Variants in CYRIB observed in about 807,000 individuals in gnomAD.
The protein encoded by CYRIB is CYFIP-related Rac1 interactor B.
CYRIB carries 8 observed loss-of-function variants against 44.2 expected under a neutral mutation model. The observed-to-expected ratio is 0.18, with a 90% confidence interval of 0.11 to 0.33. The LOEUF is 0.33. Ranked by LOEUF, CYRIB falls within the 10% of genes least tolerant of loss-of-function variation. The probability of loss-of-function intolerance (pLI) is 1.00; values close to 1 mark genes in which losing one functional copy is unlikely to be tolerated. For missense variants in CYRIB, 185 were observed against 382.8 expected (o/e 0.48, Z 4.31); for synonymous variants, 131 against 127.2 (o/e 1.03, Z -0.20).
intron 5 of CYRIB, among the ~76,000 whole-genome samples, chr8:129,859,983 C>T (rs2048484980): frequency 6.6e-6 from 1 of 152,150 alleles, no homozygotes; most frequent in Non-Finnish European, 1.5e-5. Flanking sequence ...TAATCCTTGC[C>T]CTGTCCCATT....
chr8:129,882,359 A>C, intron 2 of CYRIB, among the ~76,000 whole-genome samples: 1 of 152,192 alleles, frequency 6.6e-6, no homozygotes, highest in East Asian at 1.9e-4. Flanking sequence ...TATGAGGGTT[A>C]AATTAGATTA....
intron 11 of CYRIB, among the ~76,000 whole-genome samples, chr8:129,843,433 A>C (rs552783505): frequency 4.6e-5 from 7 of 152,356 alleles, no homozygotes; most frequent in African/African-American, 1.7e-4. Flanking sequence ...AGTGTGAGAT[A>C]ATCAGATGTC....
At chr8:130,006,640 G>A (rs13251000) in intron 1 of CYRIB, among the ~76,000 whole-genome samples, 1,816 of 41,552 alleles carry the variant, frequency 0.044, 4 homozygotes, top group Non-Finnish European at 0.085. Flanking sequence ...ATATATATGT[G>A]TATATATATA....
At chr8:129,972,589 A>G (rs1392510953) in intron 1 of CYRIB, among the ~76,000 whole-genome samples, 1 of 152,128 alleles carries the variant, frequency 6.6e-6, no homozygotes, top group African/African-American at 2.4e-5. Context: ...AATAAAAAAA[A>G]GAACCATCTA....
intron 1 of CYRIB, among the ~76,000 whole-genome samples, chr8:129,987,861 C>T (rs1216189649): frequency 6.6e-6 from 1 of 152,142 alleles, no homozygotes; most frequent in Non-Finnish European, 1.5e-5. Context: ...CGTGAGCCAT[C>T]GCGCCCGGCC....
At chr8:129,859,336 C>A (rs1349317245) in intron 5 of CYRIB, among the ~76,000 whole-genome samples, 1 of 152,146 alleles carries the variant, frequency 6.6e-6, no homozygotes, top group Non-Finnish European at 1.5e-5. Context: ...AACATAAAGG[C>A]GGACTAGGAG....
chr8:129,954,877 T>C (rs934406552), intron 2 of CYRIB, among the ~76,000 whole-genome samples: 3 of 152,126 alleles, frequency 2.0e-5, no homozygotes, highest in African/African-American at 4.8e-5. Flanking sequence ...AGGGTAAAAG[T>C]AGGTAAATTA....
At chr8:129,988,134 G>T (rs756251437) in intron 1 of CYRIB, among the ~76,000 whole-genome samples, 1 of 152,144 alleles carries the variant, frequency 6.6e-6, no homozygotes, top group East Asian at 1.9e-4. Context: ...CGGAACAAAG[G>T]TTTCATAGTC....
intron 1 of CYRIB, among the ~76,000 whole-genome samples, chr8:129,921,428 C>A (rs978697736): frequency 6.6e-6 from 1 of 152,184 alleles, no homozygotes; most frequent in Non-Finnish European, 1.5e-5. Context: ...AAGTTTTGGG[C>A]AACCAGATAT....
At chr8:129,973,746 A>C (rs1240495657) in intron 1 of CYRIB, among the ~76,000 whole-genome samples, 2 of 152,148 alleles carry the variant, frequency 1.3e-5, no homozygotes, top group African/African-American at 4.8e-5. Flanking sequence ...GGATCACTTG[A>C]GCCTTGGAGT....
chr8:129,965,999 GT>G (rs2095465329), intron 2 of CYRIB, among the ~76,000 whole-genome samples: 3 of 151,966 alleles, frequency 2.0e-5, no homozygotes, highest in Admixed American at 2.0e-4. Context: ...TTACATACAG[GT>G]GTGGGCCACA....
exon 12 of CYRIB, chr8:129,840,427 G>C (rs2035796178): frequency 6.6e-6 from 1 of 152,154 alleles, no homozygotes; most frequent in Non-Finnish European, 1.5e-5. Context: ...CCCTACTACA[G>C]GTTGATCTCA....
intron 10 of CYRIB, chr8:129,847,221 T>C (rs2040535791): frequency 1.1e-5 from 2 of 177,012 alleles, no homozygotes; most frequent in African/African-American, 4.8e-5. Flanking sequence ...TCCAACACTT[T>C]GGGAGGCTGA....
chr8:130,005,015 C>T (rs1287197364), intron 1 of CYRIB, among the ~76,000 whole-genome samples: 1 of 152,174 alleles, frequency 6.6e-6, no homozygotes, highest in East Asian at 1.9e-4. Flanking sequence ...TATCCATCTG[C>T]CTCAGCCTCC....
exon 12 of CYRIB, chr8:129,842,046 A>G (rs1434193850): frequency 1.2e-6 from 1 of 809,872 alleles, no homozygotes; most frequent in Non-Finnish European, 2.0e-6. Flanking sequence ...AAAAGCAAGA[A>G]TAAATGAGAT....
intron 2 of CYRIB, among the ~76,000 whole-genome samples, chr8:129,899,521 T>C (rs1045327788): frequency 1.3e-5 from 2 of 152,184 alleles, no homozygotes; most frequent in African/African-American, 4.8e-5. Flanking sequence ...TCACAAAGCA[T>C]ATAAAAAGGA....
chr8:129,883,466 T>C (rs2061563792), intron 2 of CYRIB, among the ~76,000 whole-genome samples: 1 of 152,204 alleles, frequency 6.6e-6, no homozygotes, highest in African/African-American at 2.4e-5. Flanking sequence ...AATGTCTCTT[T>C]GAACAAAAAC....
intron 6 of CYRIB, among the ~76,000 whole-genome samples, chr8:129,854,655 C>T (rs1021910380): frequency 2.6e-5 from 4 of 152,092 alleles, no homozygotes; most frequent in Admixed American, 6.5e-5. Flanking sequence ...TTAGTTATTA[C>T]GATAAAAGTA....
At chr8:129,862,691 C>T (rs1326889983) in intron 4 of CYRIB, among the ~76,000 whole-genome samples, 4 of 152,102 alleles carry the variant, frequency 2.6e-5, no homozygotes, top group East Asian at 1.9e-4. Context: ...AGGCTGGTCT[C>T]GAACTCCTGA....
Sources: gnomAD v4.1 joint callset for allele counts (sites outside exome capture counted in the v4.1 genomes callset) on GRCh38, gnomAD v4.1.1 for gene constraint, MANE v1.5 for transcripts, NCBI Gene and HGNC (gene_info 2026-07-23, HGNC 2026-07-21) for gene names.